The following GPC6 variants were observed in gnomAD, a reference collection of about 807,000 sequenced individuals.
GPC6 encodes the protein glypican 6, also known as glypican-6.
Under a neutral mutation model 55.2 loss-of-function variants are expected in GPC6, and 14 were observed. The ratio of observed to expected loss-of-function variants is 0.25; its 90% CI spans 0.17 to 0.40. GPC6 has a LOEUF of 0.40. Ranked by LOEUF, GPC6 falls within the 10% of genes least tolerant of loss-of-function variation. The pLI is 1.00. For synonymous variants in GPC6, 278 were observed against 259.6 expected (o/e 1.07, Z -0.68); for missense variants, 641 against 708.5 (o/e 0.90, Z 1.08).
intron 6 of GPC6, among the ~76,000 whole-genome samples, chr13:94,354,027 T>C (rs932843620): frequency 8.5e-5 from 13 of 152,244 alleles, no homozygotes; most frequent in African/African-American, 2.7e-4. Context: ...ACATGCACAA[T>C]GAATTTGCAC....
At chr13:94,277,094 ATC>A (rs1892237745) in intron 4 of GPC6, among the ~76,000 whole-genome samples, 1 of 152,174 alleles carries the variant, frequency 6.6e-6, no homozygotes, top group South Asian at 2.1e-4. Flanking sequence ...CCTCGCCAGC[ATC>A]TGTTGTTTCT....
At chr13:94,341,900 T>C (rs1479495374) in intron 6 of GPC6, among the ~76,000 whole-genome samples, 1 of 152,152 alleles carries the variant, frequency 6.6e-6, no homozygotes, top group Non-Finnish European at 1.5e-5. Flanking sequence ...GAGTCAAAGG[T>C]AAATAAGTTA....
chr13:93,937,022 A>G (rs990458421), intron 3 of GPC6, among the ~76,000 whole-genome samples: 5 of 152,226 alleles, frequency 3.3e-5, no homozygotes, highest in Admixed American at 1.3e-4. Flanking sequence ...AAGAATGGGC[A>G]ATAAGGTAGT....
intron 4 of GPC6, among the ~76,000 whole-genome samples, chr13:94,059,334 A>C (rs1419747271): frequency 1.3e-5 from 2 of 151,976 alleles, no homozygotes; most frequent in Non-Finnish European, 2.9e-5. Flanking sequence ...GCCTACATGG[A>C]AGGAAATGTT....
At chr13:93,650,390 G>A (rs2139597928) in intron 2 of GPC6, among the ~76,000 whole-genome samples, 1 of 151,944 alleles carries the variant, frequency 6.6e-6, no homozygotes, top group Middle Eastern at 3.4e-3. Context: ...TAGTCAATTA[G>A]GCAAGTGCCA....
chr13:93,463,362 A>C (rs1470531696), intron 1 of GPC6, among the ~76,000 whole-genome samples: 1 of 152,176 alleles, frequency 6.6e-6, no homozygotes, highest in African/African-American at 2.4e-5. Flanking sequence ...CATCTGGTAG[A>C]CCAGAAGACC....
intron 4 of GPC6, among the ~76,000 whole-genome samples, chr13:94,171,004 T>C (rs1453171117): frequency 6.6e-6 from 1 of 152,218 alleles, no homozygotes; most frequent in African/African-American, 2.4e-5. Context: ...AGTTGCTTAT[T>C]TGTGTAGTCC....
chr13:94,117,055 G>A (rs1566427301), intron 4 of GPC6, among the ~76,000 whole-genome samples: 1 of 151,972 alleles, frequency 6.6e-6, no homozygotes, highest in Admixed American at 6.6e-5. Flanking sequence ...AATTACCCTT[G>A]CAGTGCACTA....
chr13:94,195,961 A>G (rs752714097), intron 4 of GPC6, among the ~76,000 whole-genome samples: 2 of 152,214 alleles, frequency 1.3e-5, no homozygotes, highest in Non-Finnish European at 2.9e-5. Context: ...AGCCAAAACC[A>G]CTGCATGCTC....
At chr13:93,407,267 G>C (rs981363839) in intron 1 of GPC6, among the ~76,000 whole-genome samples, 2 of 151,356 alleles carry the variant, frequency 1.3e-5, no homozygotes, top group Non-Finnish European at 2.9e-5. Context: ...TTTTTATTTA[G>C]AGAGAGAGAG....
chr13:93,780,109 T>C (rs1885590344), intron 2 of GPC6, among the ~76,000 whole-genome samples: 1 of 152,098 alleles, frequency 6.6e-6, no homozygotes, highest in African/African-American at 2.4e-5. Flanking sequence ...TAATTATACA[T>C]GAAAGTCATT....
intron 2 of GPC6, among the ~76,000 whole-genome samples, chr13:93,579,058 A>G (rs1456901971): frequency 2.0e-5 from 3 of 152,090 alleles, no homozygotes; most frequent in African/African-American, 7.2e-5. Flanking sequence ...AGATTTCGTG[A>G]AGATAGAGAG....
intron 3 of GPC6, among the ~76,000 whole-genome samples, chr13:93,983,279 A>G (rs1393429747): frequency 2.0e-5 from 3 of 152,196 alleles, no homozygotes; most frequent in African/African-American, 4.8e-5. Context: ...TATTGGTTAC[A>G]GTAAATATGA....
chr13:93,834,333 T>C (rs1271378946), intron 3 of GPC6, among the ~76,000 whole-genome samples: 1 of 152,148 alleles, frequency 6.6e-6, no homozygotes, highest in Non-Finnish European at 1.5e-5. Context: ...TTGTGAGAGA[T>C]AAACATCAAG....
intron 1 of GPC6, among the ~76,000 whole-genome samples, chr13:93,332,791 T>C (rs1879899221): frequency 6.6e-6 from 1 of 152,066 alleles, no homozygotes; most frequent in African/African-American, 2.4e-5. Flanking sequence ...TGTCCTGAAG[T>C]GTTTTGTTTG....
intron 2 of GPC6, among the ~76,000 whole-genome samples, chr13:93,828,068 A>G (rs1887331287): frequency 6.6e-6 from 1 of 151,746 alleles, no homozygotes; most frequent in Admixed American, 6.6e-5. Flanking sequence ...ACTATTGATT[A>G]CTATTCATTG....
chr13:93,487,985 T>C lies in GPC6; in HGVS notation c.161-57278T>C, dbSNP rs146968506. Among the ~76,000 whole-genome samples the C allele has an allele frequency of 4.5e-4, 69 of 152,334 alleles. No individual in the cohort carries two copies. The Middle Eastern group carries it at 0.014, about 30-fold the overall frequency. On this transcript the variant is annotated intron_variant, in intron 1 of 8. Transcript: ENST00000377047. ...TATTTACATATACACACTTTTTTATTATACTTTAAGTTCTAGGGTACATGT... is the reference window on the plus strand; with the variant it reads ...TATTTACATATACACACTTTTTTATCATACTTTAAGTTCTAGGGTACATGT...
intron 4 of GPC6, among the ~76,000 whole-genome samples, chr13:94,134,709 A>C (rs1555299487): frequency 6.6e-6 from 1 of 152,066 alleles, no homozygotes; most frequent in Non-Finnish European, 1.5e-5. Context: ...TAAGTATTGC[A>C]TTTTTTCTAA....
At chr13:93,660,391 A>T (rs1421322396) in intron 2 of GPC6, among the ~76,000 whole-genome samples, 2 of 152,182 alleles carry the variant, frequency 1.3e-5, no homozygotes, top group East Asian at 3.8e-4. Context: ...ATGGATTAAC[A>T]TGTTTATGGT....
Sources: allele counts gnomAD v4.1 joint callset (sites outside exome capture counted in the v4.1 genomes callset), GRCh38; gene constraint gnomAD v4.1.1; transcripts MANE v1.5; gene names NCBI Gene and HGNC (gene_info 2026-07-23, HGNC 2026-07-21).